The following CHAF1A variants were observed in gnomAD, a reference collection of about 807,000 sequenced individuals.
The protein encoded by CHAF1A is CAF-1 subunit A.
A neutral mutation model predicts 93.2 loss-of-function variants in CHAF1A; 5 were observed. That is an observed-to-expected ratio of 0.05 (90% CI 0.03 to 0.11). The LOEUF is 0.11. CHAF1A is among the 10% of genes least tolerant of loss of function. The pLI is 1.00. For missense variants in CHAF1A, 1,102 were observed against 1,259.9 expected, an observed-to-expected ratio of 0.87 and a Z score of 1.90; for synonymous variants, 504 against 510.3, an observed-to-expected ratio of 0.99 and a Z score of 0.17.
intron 1 of CHAF1A, among the ~76,000 whole-genome samples, chr19:4,405,624 A>AT (rs900321444): frequency 0.012 from 1,678 of 144,166 alleles, 15 homozygotes; most frequent in Middle Eastern, 0.067. Flanking sequence ...AAAAAAAAAA[A>AT]TTTTTTTTTT....
At chr19:4,434,977 C>T (rs1260626100) in intron 13 of CHAF1A, among the ~76,000 whole-genome samples, 1 of 152,086 alleles carries the variant, frequency 6.6e-6, no homozygotes, top group Non-Finnish European at 1.5e-5. Context: ...GAGCCACTGG[C>T]CCCTGGCACC....
At chr19:4,435,032 T>C (rs1347149487) in intron 13 of CHAF1A, among the ~76,000 whole-genome samples, 2 of 152,068 alleles carry the variant, frequency 1.3e-5, no homozygotes, top group Admixed American at 6.5e-5. Flanking sequence ...ATTGCATACT[T>C]TTTGTCCTTA....
intron 13 of CHAF1A, among the ~76,000 whole-genome samples, chr19:4,434,932 G>A (rs1030546498): frequency 6.6e-6 from 1 of 152,022 alleles, no homozygotes; most frequent in Non-Finnish European, 1.5e-5. Flanking sequence ...TGTGATGGGG[G>A]CACTGTCTGG....
At position 4,434,664 on chromosome 19, in the gene CHAF1A, C is replaced by CT. The variant is rs142900555; in HGVS notation, c.2673+1135dup. ...CGTGTCTGTTTGTGGCTTGATAGCT[C>CT]TTTTTTTTTTCACACTGAATAATAT... On this transcript the variant is annotated intron_variant, in intron 13 of 14. Coordinates refer to ENST00000301280, the MANE Select transcript of CHAF1A (RefSeq NM_005483.3). Among the ~76,000 whole-genome samples, 665 of 149,506 alleles carry CT rather than the reference C, an allele frequency of 4.4e-3. 7 individuals are homozygous for CT. The highest frequency in any genetic ancestry group is 0.015 in the African/African-American group (593 of 40,750).
At chr19:4,445,663 G>T, downstream of CHAF1A, 1 of 1,591,138 alleles carries the variant, frequency 6.3e-7, no homozygotes, top group Non-Finnish European at 8.6e-7. Flanking sequence ...ACCGAGAGTC[G>T]GCCCTTGCCG....
rs942337796 is a variant in CHAF1A at position 4,428,906 on chromosome 19, G to A, written c.1604+16G>A. The A allele has an allele frequency of 1.5e-5, 24 of 1,607,214 alleles. No homozygotes were observed. Among genetic ancestry groups the A allele is most frequent in the Non-Finnish European group, 2.0e-5 (24 of 1,174,400 alleles). ...TTTTTAACAGGTCAGAGCCTGAGGAGGTCGGCCTTCACCCACTAGTGATGC... is the reference window on the plus strand; with the variant it reads ...TTTTTAACAGGTCAGAGCCTGAGGAAGTCGGCCTTCACCCACTAGTGATGC... On this transcript the variant is annotated intron_variant, in intron 8 of 14. Transcript: ENST00000301280.
At chr19:4,428,953 C>G (rs1974132476) in intron 8 of CHAF1A, 63 bp downstream of exon 8, 2 of 1,429,510 alleles carry the variant, frequency 1.4e-6, no homozygotes, top group South Asian at 2.3e-5. Flanking sequence ...ATCCTGAACC[C>G]TGGGGTCCCC....
In CHAF1A at chr19:4,429,272, C is replaced by T. The variant is rs978955648; in HGVS notation, c.1605-166C>T. The T allele has an allele frequency of 5.2e-6, 4 of 774,548 alleles. No homozygotes were observed. In the African/African-American group the frequency reaches 5.3e-5, roughly 10 times the overall value. The allele number at this position is 774,548 out of a possible 1,614,324, so 48.0% of individuals were successfully genotyped here. On this transcript the variant is annotated intron_variant, in intron 8 of 14. Transcript: ENST00000301280. ...AGGCTGCACCCTCCTCCATCTGTCC[C>T]TTCAGTCCATGTTCCTGACCTTTCT...
chr19:4,425,802 C>T (rs1279241078), intron 7 of CHAF1A, among the ~76,000 whole-genome samples: 3 of 152,178 alleles, frequency 2.0e-5, no homozygotes, highest in South Asian at 4.1e-4. Flanking sequence ...GGCCAGAGTG[C>T]GTGCCAGATG....
chr19:4,442,365 A>G (rs751568203), intron 14 of CHAF1A, 24 bp downstream of exon 14: 3 of 1,548,992 alleles, frequency 1.9e-6, no homozygotes, highest in South Asian at 1.2e-5. Context: ...TAGATAGCAG[A>G]ACGCACTGGT....
chr19:4,419,734 T>C (rs1429223184), intron 4 of CHAF1A, among the ~76,000 whole-genome samples: 1 of 152,122 alleles, frequency 6.6e-6, no homozygotes, highest in Non-Finnish European at 1.5e-5. Flanking sequence ...CCCAGCCTGA[T>C]TTTTATTTTT....
intron 1 of CHAF1A, among the ~76,000 whole-genome samples, chr19:4,403,648 T>C (rs889450460): frequency 6.6e-6 from 1 of 152,204 alleles, no homozygotes; most frequent in Admixed American, 6.5e-5. Flanking sequence ...GCCTCCGCCT[T>C]TTGCAGGCCA....
chr19:4,432,193 G>A lies in CHAF1A; in HGVS notation c.2189G>A (p.Arg730Lys). ...EQTPKASKRE[R>K]RDEQILAQLL... ...ACGCCCAAGGCCTCCAAGCGGGAGA[G>A]GAGAGACGAGCAGAGTGAGTGTGGG... Residue 730 changes from arginine (R) to lysine (K), a missense_variant, in exon 12 of 15, where the codon AGG becomes AAG. By Grantham distance (26) the Arg-to-Lys change is conservative. Coordinates refer to ENST00000301280, the MANE Select transcript of CHAF1A (RefSeq NM_005483.3). The A allele has an allele frequency of 1.2e-6, 2 of 1,607,590 alleles. No individual in the cohort carries two copies. Among genetic ancestry groups the A allele is most frequent in the Non-Finnish European group, 1.7e-6 (2 of 1,177,072 alleles).
Position 4,402,656 on chromosome 19 carries a change from GGCC to G in CHAF1A, c.-104_-102del. ...GGTTCCCGCCAAATACGAGCGCGGC[GGCC>G]GCGGCGGCAGCAGCGGCGCGGGCGG... On this transcript the variant is annotated 5_prime_UTR_variant, in exon 1 of 15. Transcript: ENST00000301280. The G allele has an allele frequency of 1.4e-6, 1 of 703,772 alleles. No individual in the cohort carries two copies. 43.6% of individuals were successfully genotyped at this position (703,772 alleles called of 1,614,324 possible).
chr19:4,434,470 A>AGGT (rs1974245306), intron 13 of CHAF1A, among the ~76,000 whole-genome samples: 2 of 152,138 alleles, frequency 1.3e-5, no homozygotes, highest in Admixed American at 6.5e-5. Context: ...TATTGTTTTA[A>AGGT]ACAAAGAGGC....
At position 4,442,917 on chromosome 19, in the gene CHAF1A, C is replaced by T. The variant is rs1974421057; in HGVS notation, c.2771-8C>T. Reference sequence around the variant, plus strand: ...CCAGCTCAAGACCCTCCCTCTCTTGCCCTGCAGAGGTCCAAGCCCCGTGTG... The same window carrying T: ...CCAGCTCAAGACCCTCCCTCTCTTGTCCTGCAGAGGTCCAAGCCCCGTGTG... On this transcript the variant is annotated splice_region_variant and splice_polypyrimidine_tract_variant and intron_variant, in intron 14 of 14. Coordinates refer to ENST00000301280, the MANE Select transcript of CHAF1A (RefSeq NM_005483.3). The T allele has an allele frequency of 1.3e-6, 2 of 1,571,502 alleles. No individual in the cohort carries two copies. Among genetic ancestry groups the T allele is most frequent in the Admixed American group, 1.8e-5 (1 of 54,442 alleles).
rs747697852 is a variant in CHAF1A at position 4,442,957 on chromosome 19, G to A, written c.2803G>A (p.Ala935Thr). Residue 935 changes from alanine to threonine, a missense_variant, in exon 15 of 15, where the codon GCT becomes ACT. By Grantham distance (58) the Ala-to-Thr change is moderately conservative (BLOSUM62 0). Transcript: ENST00000301280. ...VQAPCGAASG[A>T]GGGVGVDTGK... ...AGCCCCGTGTGGAGCCGCTTCCGGA[G>A]CTGGGGGTGGTGTGGGGGTGGACAC... 6.2e-7 allele frequency: 1 copy of A among 1,604,416 alleles called. No homozygotes were observed. Among genetic ancestry groups the A allele is most frequent in the South Asian group, 1.1e-5 (1 of 88,570 alleles).
chr19:4,407,235 C>T lies in CHAF1A; in HGVS notation c.103+1273C>T, dbSNP rs529954238. On this transcript the variant is annotated intron_variant, in intron 2 of 14. Transcript: ENST00000301280. ...TCTGTCTCAAAACAAACAACTCCCC[C>T]CACACCCCCCCCAAAAAAAAACAGG... Among the ~76,000 whole-genome samples the T allele has an allele frequency of 5.6e-4, 72 of 129,156 alleles. 1 individual carries two copies. Among genetic ancestry groups the T allele is most frequent in the Admixed American group, 2.6e-3 (27 of 10,292 alleles). 84.7% of individuals were successfully genotyped at this position (129,156 alleles called of 152,430 possible). A position where few individuals can be genotyped will look rare whatever the true frequency, so the allele number is the denominator to read the frequency against.
chr19:4,421,817 G>T (rs533665349), intron 4 of CHAF1A, among the ~76,000 whole-genome samples: 1 of 152,124 alleles, frequency 6.6e-6, no homozygotes, highest in South Asian at 2.1e-4. Context: ...TTGACTGGAG[G>T]CTCCTCCTGG....
Sources: gnomAD v4.1 joint callset for allele counts (sites outside exome capture counted in the v4.1 genomes callset) on GRCh38, gnomAD v4.1.1 for gene constraint, MANE v1.5 for transcripts, NCBI Gene and HGNC (gene_info 2026-07-23, HGNC 2026-07-21) for gene names.